DOCK7: variants seen among roughly 807,000 people sequenced by gnomAD.
DOCK7 encodes dedicator of cytokinesis protein 7.
A neutral mutation model predicts 271.0 loss-of-function variants in DOCK7; 138 were observed. The ratio of observed to expected loss-of-function variants is 0.51; its 90% CI spans 0.44 to 0.59. The LOEUF (loss-of-function observed/expected upper bound fraction) is 0.59, where lower values mean the gene tolerates loss of function less well. DOCK7 is among the 20% of genes least tolerant of loss of function. The pLI is 0.00. For synonymous variants in DOCK7, 823 were observed against 876.1 expected, an observed-to-expected ratio of 0.94 and a Z score of 1.07; for missense variants, 2,066 against 2,592.4, an observed-to-expected ratio of 0.80 and a Z score of 4.41.
chr1:62,671,205 G>A (rs1490941326), intron 1 of DOCK7, among the ~76,000 whole-genome samples: 2 of 152,122 alleles, frequency 1.3e-5, no homozygotes, highest in Non-Finnish European at 2.9e-5. Context: ...GAGGGTCCAC[G>A]GCTTCATTCT....
At chr1:62,669,654 T>C (rs910050986) in intron 1 of DOCK7, among the ~76,000 whole-genome samples, 2 of 152,252 alleles carry the variant, frequency 1.3e-5, no homozygotes, top group Non-Finnish European at 2.9e-5. Flanking sequence ...GAAATCTGTT[T>C]ACCTATCTCC....
intron 2 of DOCK7, among the ~76,000 whole-genome samples, chr1:62,660,022 A>G (rs1658485880): frequency 6.6e-6 from 1 of 152,222 alleles, no homozygotes; most frequent in African/African-American, 2.4e-5. Flanking sequence ...CAGATTCTAG[A>G]AAATCAACAA....
At chr1:62,491,182 G>A (rs867267204) in intron 41 of DOCK7, among the ~76,000 whole-genome samples, 1 of 152,208 alleles carries the variant, frequency 6.6e-6, no homozygotes, top group South Asian at 2.1e-4. Context: ...TTTGAACTTT[G>A]GCAGTATGCC....
intron 6 of DOCK7, 45 bp downstream of exon 6, chr1:62,648,061 T>A: frequency 6.4e-7 from 1 of 1,556,780 alleles, no homozygotes; most frequent in Non-Finnish European, 8.8e-7. Flanking sequence ...TCCCAAAAGA[T>A]CAATTTTAAT....
At chr1:62,588,947 G>T (rs1340507003) in intron 14 of DOCK7, among the ~76,000 whole-genome samples, 1 of 152,004 alleles carries the variant, frequency 6.6e-6, no homozygotes, top group African/African-American at 2.4e-5. Context: ...TTACTATGTT[G>T]CCCAGGCTGG....
intron 41 of DOCK7, among the ~76,000 whole-genome samples, chr1:62,489,490 C>T (rs1395084592): frequency 6.6e-6 from 1 of 151,746 alleles, no homozygotes; most frequent in Non-Finnish European, 1.5e-5. Context: ...GAAATTTTTC[C>T]AATAGAAAAT....
intron 12 of DOCK7, among the ~76,000 whole-genome samples, chr1:62,623,791 A>ATT (rs894443723): frequency 1.2e-4 from 18 of 152,162 alleles, no homozygotes; most frequent in African/African-American, 4.3e-4. Flanking sequence ...ACCATTTGAG[A>ATT]CATTTATCAC....
intron 9 of DOCK7, 70 bp from the exon 10 acceptor site, chr1:62,633,648 A>T: frequency 9.7e-7 from 1 of 1,031,958 alleles, no homozygotes; most frequent in African/African-American, 1.6e-5. Context: ...TCAATATACG[A>T]AAATCAATAT....
At chr1:62,530,850 TG>T (rs1645152858) in intron 29 of DOCK7, 1 of 152,788 alleles carries the variant, frequency 6.5e-6, no homozygotes, top group Non-Finnish European at 1.5e-5. Context: ...AAACATGCTG[TG>T]CCCCCAAAAG....
rs752393412 is a variant in DOCK7, at chr1:62,647,769, G to A, written c.740C>T (p.Pro247Leu). ...ALHPSPDEEE[P>L]IERLSVPDIP... ...ATCAGGAACACTAAGCCGTTCTATT[G>A]GTTCTTCCTACAAATTGAAAAGCAA... Residue 247 changes from proline (P) to leucine (L), a missense_variant, in exon 7 of 50, where the codon CCA (proline) becomes CTA (leucine). Around this residue, in one of 2 missense-constraint regions of DOCK7, gnomAD observed 1,414 missense variants for 1,670.4 expected, o/e 0.85. Coordinates refer to ENST00000635253, the MANE Select transcript of DOCK7 (RefSeq NM_001367561.1). 3.1e-6 allele frequency: 5 copies of A among 1,600,498 alleles called. No homozygotes were observed. The highest frequency in any genetic ancestry group is 3.3e-4 in the Middle Eastern group (2 of 5,988).
chr1:62,599,743 T>A (rs534478977), intron 14 of DOCK7, among the ~76,000 whole-genome samples: 9 of 152,150 alleles, frequency 5.9e-5, no homozygotes, highest in African/African-American at 2.2e-4. Flanking sequence ...TTACTTGGAT[T>A]ACTAGAAATA....
chr1:62,577,875 T>C (rs1646984481), intron 17 of DOCK7, among the ~76,000 whole-genome samples: 1 of 152,198 alleles, frequency 6.6e-6, no homozygotes, highest in South Asian at 2.1e-4. Context: ...TGTTATACCA[T>C]GACTTCCTTC....
chr1:62,637,445 A>G (rs1655417397), intron 7 of DOCK7, among the ~76,000 whole-genome samples: 1 of 152,214 alleles, frequency 6.6e-6, no homozygotes, highest in Non-Finnish European at 1.5e-5. Flanking sequence ...CAATACCTAC[A>G]TACATTTTTG....
chr1:62,550,941 G>C (rs143819889), intron 22 of DOCK7, among the ~76,000 whole-genome samples: 1 of 152,100 alleles, frequency 6.6e-6, no homozygotes, highest in Admixed American at 6.5e-5. Flanking sequence ...GGCTGGTTTT[G>C]AACTCCTGAC....
intron 18 of DOCK7, among the ~76,000 whole-genome samples, chr1:62,568,907 G>T (rs879082739): frequency 1.3e-5 from 2 of 151,424 alleles, no homozygotes; most frequent in Non-Finnish European, 2.9e-5. Context: ...TGATAAAGGG[G>T]ATACCACCAC....
chr1:62,607,733 G>C (rs555926378), intron 14 of DOCK7: 37 of 152,242 alleles, frequency 2.4e-4, no homozygotes, highest in African/African-American at 7.9e-4. Context: ...TGGGATCTTA[G>C]CTTAAATCTT....
chr1:62,468,635 T>G (rs1645747961), intron 48 of DOCK7, among the ~76,000 whole-genome samples: 1 of 152,128 alleles, frequency 6.6e-6, no homozygotes, highest in East Asian at 1.9e-4. Flanking sequence ...CACTGTTTGC[T>G]GATGATATCA....
chr1:62,531,391 G>A (rs1420061124), intron 29 of DOCK7, among the ~76,000 whole-genome samples: 3 of 152,140 alleles, frequency 2.0e-5, no homozygotes, highest in African/African-American at 4.8e-5. Flanking sequence ...AGATGTTGAA[G>A]ATAAAGACAT....
intron 28 of DOCK7, among the ~76,000 whole-genome samples, chr1:62,536,909 G>A (rs1379910083): frequency 1.3e-5 from 2 of 152,120 alleles, no homozygotes; most frequent in Non-Finnish European, 2.9e-5. Flanking sequence ...ATTTATAAAA[G>A]AGGACATACA....
Sources: gnomAD v4.1 joint callset for allele counts (sites outside exome capture counted in the v4.1 genomes callset) on GRCh38, gnomAD v4.1.1 for gene constraint, gnomAD v4.1.1 regional missense constraint, MANE v1.5 for transcripts, NCBI Gene and HGNC (gene_info 2026-07-23, HGNC 2026-07-21) for gene names.